Variants in SCEL observed in about 807,000 individuals in gnomAD.
The protein encoded by SCEL is sciellin.
A neutral mutation model predicts 117.6 loss-of-function variants in SCEL; 113 were observed. The observed-to-expected ratio is 0.96, with a 90% CI of 0.83 to 1.12. The LOEUF (loss-of-function observed/expected upper bound fraction) is 1.12, where lower values mean the gene tolerates loss of function less well. SCEL is among the 50% of genes most tolerant of loss of function. The pLI, the probability that SCEL is intolerant of heterozygous loss-of-function variation, is 0.00. For synonymous variants in SCEL, 270 were observed against 256.2 expected (o/e 1.05, Z -0.51); for missense variants, 785 against 810.8 (o/e 0.97, Z 0.39).
chr13:77,597,657 C>T (rs547817483), intron 13 of SCEL, 68 bp downstream of exon 13: 95 of 852,692 alleles, frequency 1.1e-4, no homozygotes, highest in South Asian at 1.0e-3. Context: ...CCTTTCCAGT[C>T]TTTGAGCGTG....
chr13:77,618,139 T>A, intron 27 of SCEL, 79 bp downstream of exon 27: 1 of 1,038,194 alleles, frequency 9.6e-7, no homozygotes, highest in Non-Finnish European at 1.5e-6. Flanking sequence ...CCTCCCTGCC[T>A]CCCTCCCTTC....
rs1353288211 is a variant in SCEL, at chr13:77,609,133, C to A, written c.1277+16C>A. The A allele has an allele frequency of 6.4e-7, 1 of 1,570,776 alleles. No individual in the cohort carries two copies. The highest frequency in any genetic ancestry group is 1.2e-5 in the South Asian group (1 of 84,158). On this transcript the variant is annotated intron_variant, in intron 21 of 32. Transcript: ENST00000349847. The stretch of plus-strand genomic sequence containing the variant: ...GTACTGAAGGGTAAGATTTAATAAG[C>A]TCCCTTTTTTGTTTCATAGTAACCA...
chr13:77,573,918 T>G (rs2085791904), intron 9 of SCEL, among the ~76,000 whole-genome samples: 1 of 152,226 alleles, frequency 6.6e-6, no homozygotes, highest in Non-Finnish European at 1.5e-5. Context: ...GATACTTCGC[T>G]ATGGGTGATA....
intron 7 of SCEL, 72 bp downstream of exon 7, chr13:77,568,405 G>A: frequency 1.1e-6 from 1 of 924,956 alleles, no homozygotes; most frequent in South Asian, 1.5e-5. Flanking sequence ...ACCACCTCAG[G>A]CCAATTTTAT....
At chr13:77,562,702 C>A (rs952130859) in intron 4 of SCEL, among the ~76,000 whole-genome samples, 2 of 152,184 alleles carry the variant, frequency 1.3e-5, no homozygotes, top group Non-Finnish European at 2.9e-5. Context: ...TCTAGACTTC[C>A]TTATATTTCT....
intron 1 of SCEL, among the ~76,000 whole-genome samples, chr13:77,537,292 C>T (rs543584025): frequency 1.3e-5 from 2 of 152,192 alleles, no homozygotes; most frequent in Non-Finnish European, 2.9e-5. Context: ...TTGAGAAAAT[C>T]AAAGCATAAA....
At chr13:77,572,079 C>A in intron 8 of SCEL, 45 bp from the exon 9 acceptor site, 1 of 1,505,888 alleles carries the variant, frequency 6.6e-7, no homozygotes, top group South Asian at 1.1e-5. Flanking sequence ...TGGGTGGGAT[C>A]AGCCTTTCAA....
intron 21 of SCEL, 82 bp from the exon 22 acceptor site, chr13:77,609,965 T>C (rs184420192): frequency 2.7e-6 from 2 of 749,852 alleles, no homozygotes; most frequent in Admixed American, 6.6e-5. Context: ...TATTTTATAA[T>C]AAAAGTATTT....
chr13:77,629,609 C>T (rs570170745), intron 28 of SCEL, among the ~76,000 whole-genome samples: 1 of 152,246 alleles, frequency 6.6e-6, no homozygotes, highest in South Asian at 2.1e-4. Flanking sequence ...GGGGAAAGTT[C>T]CACTTTGCCC....
intron 9 of SCEL, among the ~76,000 whole-genome samples, chr13:77,578,161 GC>G (rs2086061781): frequency 6.6e-6 from 1 of 152,134 alleles, no homozygotes; most frequent in Admixed American, 6.5e-5. Flanking sequence ...CATCATTGCA[GC>G]GAGTTCCAGG....
At chr13:77,570,902 G>T in intron 8 of SCEL, among the ~76,000 whole-genome samples, 1 of 149,498 alleles carries the variant, frequency 6.7e-6, no homozygotes, top group African/African-American at 2.5e-5. Context: ...GTGCAATTTC[G>T]GCTCACTGCA....
At chr13:77,546,324 G>C (rs1385113936) in intron 1 of SCEL, among the ~76,000 whole-genome samples, 1 of 152,156 alleles carries the variant, frequency 6.6e-6, no homozygotes, top group Non-Finnish European at 1.5e-5. Context: ...TTACTGAAAA[G>C]AGCTCTGGTG....
At chr13:77,633,897 TAAA>T (rs1047287236) in intron 28 of SCEL, among the ~76,000 whole-genome samples, 3 of 152,232 alleles carry the variant, frequency 2.0e-5, no homozygotes, top group African/African-American at 7.2e-5. Context: ...GATTTTCCCT[TAAA>T]AAGTCTACAA....
In SCEL at chr13:77,591,420, G is replaced by C; in HGVS notation, c.652G>C (p.Val218Leu). 1 of 1,588,734 alleles carries C rather than the reference G, an allele frequency of 6.3e-7. No homozygotes were observed. Among genetic ancestry groups the C allele is most frequent in the Non-Finnish European group, 8.6e-7 (1 of 1,158,256 alleles). Reference sequence around the variant, plus strand: ...GCAGATACATCCACCTAAACCAGGTGTATATACAGAAACCAACAGATCTGC... The same window carrying C: ...GCAGATACATCCACCTAAACCAGGTCTATATACAGAAACCAACAGATCTGC... Reference protein sequence around the residue: ...NRQIHPPKPGVYTETNRSAER... With the variant: ...NRQIHPPKPGLYTETNRSAER... The change falls in exon 11 of 33, where the codon GTA becomes CTA. Residue 218 changes from valine (V) to leucine (L), a missense_variant. Transcript: ENST00000349847.
chr13:77,626,378 G>T lies in SCEL; in HGVS notation c.1629-1569G>T, dbSNP rs929570682. ...GACACAAACCATATCATTGTGCCAT[G>T]AATTTTATTTACATTAACTTACTCA... On this transcript the variant is annotated intron_variant, in intron 27 of 32. Transcript: ENST00000349847. 3.3e-5 allele frequency among the ~76,000 whole-genome samples: 5 copies of T among 152,274 alleles called. No individual in the cohort carries two copies. In the East Asian group the frequency reaches 9.6e-4, roughly 29 times the overall value.
At chr13:77,578,522 A>G (rs2086084508) in intron 9 of SCEL, among the ~76,000 whole-genome samples, 1 of 152,176 alleles carries the variant, frequency 6.6e-6, no homozygotes, top group Non-Finnish European at 1.5e-5. Flanking sequence ...CATAAGATCA[A>G]CTGTGGGGGC....
At chr13:77,564,347 G>A (rs1166251162) in intron 5 of SCEL, among the ~76,000 whole-genome samples, 4 of 152,094 alleles carry the variant, frequency 2.6e-5, no homozygotes, top group Non-Finnish European at 5.9e-5. Flanking sequence ...GGACAGAGAC[G>A]TTAGCTCTTT....
At chr13:77,613,738 TG>T (rs2088833912) in intron 23 of SCEL, among the ~76,000 whole-genome samples, 154 bp from the exon 24 acceptor site, 1 of 151,980 alleles carries the variant, frequency 6.6e-6, no homozygotes, top group Non-Finnish European at 1.5e-5. Flanking sequence ...TGAGTTGTTG[TG>T]AGGATTAAAA....
At chr13:77,585,080 G>A (rs190175170) in intron 9 of SCEL, among the ~76,000 whole-genome samples, 3 of 152,328 alleles carry the variant, frequency 2.0e-5, no homozygotes, top group Middle Eastern at 3.4e-3. Flanking sequence ...TTGCAAATCC[G>A]TCTTTGGTAC....
Sources: gnomAD v4.1 joint callset for allele counts (sites outside exome capture counted in the v4.1 genomes callset) on GRCh38, gnomAD v4.1.1 for gene constraint, MANE v1.5 for transcripts, NCBI Gene and HGNC (gene_info 2026-07-23, HGNC 2026-07-21) for gene names.